The following KPNA5 variants were observed in gnomAD, a reference collection of about 807,000 sequenced individuals.
KPNA5 encodes the protein importin subunit alpha-6.
In KPNA5, 46 loss-of-function variants were observed where a neutral mutation model predicts 71.3. That is an observed-to-expected ratio of 0.65 (90% CI 0.51 to 0.83). The LOEUF (loss-of-function observed/expected upper bound fraction) is 0.83. Ranked by LOEUF, KPNA5 falls within the 40% of genes least tolerant of loss-of-function variation. The pLI, the probability that KPNA5 is intolerant of heterozygous loss-of-function variation, is 0.00. For synonymous variants in KPNA5, 207 were observed against 201.4 expected, an observed-to-expected ratio of 1.03 and a Z score of -0.24; for missense variants, 547 against 628.3, an observed-to-expected ratio of 0.87 and a Z score of 1.38.
At chr6:116,725,721 CTT>C (rs1169646723) in intron 10 of KPNA5, 28 bp from the exon 11 acceptor site, 12 of 1,571,882 alleles carry the variant, frequency 7.6e-6, no homozygotes, top group African/African-American at 2.7e-5. Flanking sequence ...TACTATAAAA[CTT>C]TTTGTTTCCA....
In KPNA5 at chr6:116,729,728, T is replaced by C; in HGVS notation, c.1419T>C (p.Ile473=). ...GCATTAATCCATACTGTGCTCTCAT[T>C]GAAGAAGCATATGGTAAGCAATCAG... ...GIGINPYCAL[I]EEAYGLDKIE... Residue 473 remains isoleucine (I), a synonymous_variant, in exon 13 of 14, where the codon ATT becomes ATC. Transcript: ENST00000368564. 2 of 1,542,436 alleles carry C rather than the reference T, an allele frequency of 1.3e-6. No individual in the cohort carries two copies. The highest frequency in any genetic ancestry group is 1.3e-5 in the South Asian group (1 of 78,406).
At chr6:116,682,475 G>T (rs1028240349) in intron 1 of KPNA5, among the ~76,000 whole-genome samples, 1 of 152,088 alleles carries the variant, frequency 6.6e-6, no homozygotes, top group Non-Finnish European at 1.5e-5. Flanking sequence ...TGGTTTTCTT[G>T]GTAGGTCAGG....
At chr6:116,696,889 A>T (rs2114395518) in intron 4 of KPNA5, among the ~76,000 whole-genome samples, 1 of 151,886 alleles carries the variant, frequency 6.6e-6, no homozygotes, top group South Asian at 2.1e-4. Flanking sequence ...GATAAATATA[A>T]ATGTGTTGCT....
intron 1 of KPNA5, 129 bp from the exon 2 acceptor site, chr6:116,689,191 A>C (rs1183976322): frequency 1.1e-6 from 1 of 892,860 alleles, no homozygotes; most frequent in African/African-American, 1.7e-5. Flanking sequence ...TTCTTTGTAC[A>C]TAATTTTCAG....
chr6:116,730,305 T>G (rs1202300324), intron 13 of KPNA5, among the ~76,000 whole-genome samples: 1 of 151,932 alleles, frequency 6.6e-6, no homozygotes, highest in Admixed American at 6.6e-5. Context: ...TAGACTGGTC[T>G]CGAGCTCCTG....
intron 5 of KPNA5, among the ~76,000 whole-genome samples, chr6:116,699,273 C>A (rs1420895837): frequency 6.6e-6 from 1 of 151,796 alleles, no homozygotes; most frequent in Non-Finnish European, 1.5e-5. Flanking sequence ...TGGTTCTCAA[C>A]CATGATATAG....
chr6:116,694,840 A>G (rs1308392148), intron 4 of KPNA5, among the ~76,000 whole-genome samples: 1 of 152,232 alleles, frequency 6.6e-6, no homozygotes, highest in Non-Finnish European at 1.5e-5. Flanking sequence ...CTTAATATAT[A>G]TTCATAAAAG....
rs556778508 is a variant in KPNA5, at chr6:116,720,871, A to T, written c.757-1255A>T. Among the ~76,000 whole-genome samples, 5 of 152,338 alleles carry T rather than the reference A, an allele frequency of 3.3e-5. No individual in the cohort carries two copies. In the East Asian group the frequency reaches 7.7e-4, roughly 23 times the overall value. Reference sequence around the variant, plus strand: ...AAACAAACCCTGATTTCTCTGTTCAAGGAAGAGGTGGTTGGCAAGGGTGGA... The same window carrying T: ...AAACAAACCCTGATTTCTCTGTTCATGGAAGAGGTGGTTGGCAAGGGTGGA... On this transcript the variant is annotated intron_variant, in intron 8 of 13. Transcript: ENST00000368564.
rs769049866 is a variant in KPNA5 at position 116,735,900 on chromosome 6, A to G, written c.*3577A>G. On this transcript the variant is annotated 3_prime_UTR_variant, in exon 14 of 14. Coordinates refer to ENST00000368564, the MANE Select transcript of KPNA5 (RefSeq NM_001366306.2). The stretch of plus-strand genomic sequence containing the variant: ...TACTAATGATTTAAACATGCCAATT[A>G]AAGTGCAGAGGTTATCAGTTTTAAT... 2.1e-4 allele frequency: 32 copies of G among 151,822 alleles called. No individual in the cohort carries two copies. The highest frequency in any genetic ancestry group is 4.1e-4 in the Non-Finnish European group (28 of 67,786). The allele number at this position is 151,822 out of a possible 1,614,324, so 9.4% of individuals were successfully genotyped here. A position where few individuals can be genotyped will look rare whatever the true frequency, so the allele number is the denominator to read the frequency against.
At chr6:116,683,703 G>T (rs1777452220) in intron 1 of KPNA5, among the ~76,000 whole-genome samples, 2 of 151,294 alleles carry the variant, frequency 1.3e-5, no homozygotes, top group Admixed American at 1.3e-4. Flanking sequence ...CCCTCCCGGG[G>T]TCTCCTGCCT....
In KPNA5 at chr6:116,722,250, T is replaced by C. The variant is rs751248070; in HGVS notation, c.881T>C (p.Ile294Thr). Residue 294 changes from isoleucine to threonine, a missense_variant, in exon 9 of 14, where the codon ATT becomes ACT. Coordinates refer to ENST00000368564, the MANE Select transcript of KPNA5 (RefSeq NM_001366306.2). ...CCCAATGATAAAATTCAAGCAGTCATTGATTCTGGAGTCTGTCGAAGATTG... is the reference window on the plus strand; with the variant it reads ...CCCAATGATAAAATTCAAGCAGTCACTGATTCTGGAGTCTGTCGAAGATTG... ...DGPNDKIQAV[I>T]DSGVCRRLVE... The C allele has an allele frequency of 1.2e-5, 19 of 1,612,858 alleles. No homozygotes were observed. Among genetic ancestry groups the C allele is most frequent in the East Asian group, 2.2e-5 (1 of 44,818 alleles).
rs1231510794 is a variant in KPNA5 at position 116,741,099 on chromosome 6, T to G, written c.*8776T>G. On this transcript the variant is annotated 3_prime_UTR_variant, in exon 14 of 14. Coordinates refer to ENST00000368564, the MANE Select transcript of KPNA5 (RefSeq NM_001366306.2). ...AGTTTGAAATTCGTTGATACTTGCT[T>G]TATGATCTGATATGTGTTGGTTTTA... 6.6e-6 allele frequency: 1 copy of G among 152,180 alleles called. No individual in the cohort carries two copies. The highest frequency in any genetic ancestry group is 1.5e-5 in the Non-Finnish European group (1 of 68,012). The allele number at this position is 152,180 out of a possible 1,614,324, so 9.4% of individuals were successfully genotyped here.
At chr6:116,716,363 T>C in intron 8 of KPNA5, 45 bp downstream of exon 8, 1 of 1,281,980 alleles carries the variant, frequency 7.8e-7, no homozygotes, top group Non-Finnish European at 1.1e-6. Flanking sequence ...TCCATAAACC[T>C]AAGTTTCTAT....
At chr6:116,701,889 C>T in intron 5 of KPNA5, 130 bp from the exon 6 acceptor site, 3 of 666,036 alleles carry the variant, frequency 4.5e-6, no homozygotes, top group Non-Finnish European at 6.9e-6. Context: ...AATCTGACTT[C>T]ACAATGAATC....
rs757135027 is a variant in KPNA5, at chr6:116,705,199, A to C, written c.656+39A>C. 13 of 1,394,220 alleles carry C rather than the reference A, an allele frequency of 9.3e-6. 1 individual carries two copies. In the South Asian group the frequency reaches 1.6e-4, roughly 17 times the overall value. 86.4% of individuals were successfully genotyped at this position (1,394,220 alleles called of 1,614,324 possible). A position where few individuals can be genotyped will look rare whatever the true frequency, so the allele number is the denominator to read the frequency against. ...CACAATTAAGTATATATCAAAAACTATATACTCCATGATATTCTACATACA... is the reference window on the plus strand; with the variant it reads ...CACAATTAAGTATATATCAAAAACTCTATACTCCATGATATTCTACATACA... On this transcript the variant is annotated intron_variant, in intron 7 of 13. Transcript: ENST00000368564.
In KPNA5 at chr6:116,740,189, G is replaced by A. The variant is rs1198235593; in HGVS notation, c.*7866G>A. The A allele has an allele frequency of 1.3e-5, 2 of 152,080 alleles. No individual in the cohort carries two copies. Among genetic ancestry groups the A allele is most frequent in the Non-Finnish European group, 2.9e-5 (2 of 68,016 alleles). The allele number at this position is 152,080 out of a possible 1,614,324, so 9.4% of individuals were successfully genotyped here. Reference sequence around the variant, plus strand: ...CCATCAAAAAGTGGGTGAAGGACATGAACAGACACTTCTCAAAAGAAGACA... The same window carrying A: ...CCATCAAAAAGTGGGTGAAGGACATAAACAGACACTTCTCAAAAGAAGACA... On this transcript the variant is annotated 3_prime_UTR_variant, in exon 14 of 14. Transcript: ENST00000368564.
intron 7 of KPNA5, among the ~76,000 whole-genome samples, chr6:116,707,862 C>A (rs1350075707): frequency 6.6e-6 from 1 of 152,090 alleles, no homozygotes; most frequent in Non-Finnish European, 1.5e-5. Flanking sequence ...CTATCTAGTT[C>A]CAGAATTTTT....
chr6:116,726,702 G>A, intron 12 of KPNA5, 80 bp downstream of exon 12: 6 of 1,161,472 alleles, frequency 5.2e-6, no homozygotes, highest in South Asian at 3.5e-5. Context: ...ATTTACTGAT[G>A]GAACTAAAAT....
At chr6:116,719,888 G>T (rs1340536349) in intron 8 of KPNA5, among the ~76,000 whole-genome samples, 1 of 152,074 alleles carries the variant, frequency 6.6e-6, no homozygotes, top group Non-Finnish European at 1.5e-5. Flanking sequence ...TCTGGGAACT[G>T]AGTATTGGGA....
Sources: gnomAD v4.1 joint callset for allele counts (sites outside exome capture counted in the v4.1 genomes callset) on GRCh38, gnomAD v4.1.1 for gene constraint, MANE v1.5 for transcripts, NCBI Gene and HGNC (gene_info 2026-07-23, HGNC 2026-07-21) for gene names.